The following BCL2 variants were observed in gnomAD, a reference collection of about 807,000 sequenced individuals.
BCL2 encodes the protein apoptosis regulator Bcl-2.
A neutral mutation model predicts 14.2 loss-of-function variants in BCL2; 1 was observed. The observed-to-expected ratio is 0.07, with a 90% CI of 0.02 to 0.33. The LOEUF (loss-of-function observed/expected upper bound fraction) is 0.33, where lower values mean the gene tolerates loss of function less well. Among genes scored for constraint, BCL2 ranks in the 10% least tolerant of loss-of-function variants. BCL2 has a pLI of 0.99. For synonymous variants in BCL2, 151 were observed against 137.2 expected, an observed-to-expected ratio of 1.10 and a Z score of -0.70; for missense variants, 247 against 305.9, an observed-to-expected ratio of 0.81 and a Z score of 1.44.
At chr18:63,226,835 C>T (rs1297778954) in intron 2 of BCL2, among the ~76,000 whole-genome samples, 1 of 151,862 alleles carries the variant, frequency 6.6e-6, no homozygotes, top group Non-Finnish European at 1.5e-5. Flanking sequence ...AAAAGAGAGA[C>T]ATGAGAAATC....
At chr18:63,202,325 T>A (rs1336545302) in intron 2 of BCL2, among the ~76,000 whole-genome samples, 1 of 152,030 alleles carries the variant, frequency 6.6e-6, no homozygotes, top group Non-Finnish European at 1.5e-5. Context: ...AATAAAATAT[T>A]CCTACATTCA....
At chr18:63,304,712 T>C (rs893698807) in intron 2 of BCL2, among the ~76,000 whole-genome samples, 2 of 152,228 alleles carry the variant, frequency 1.3e-5, no homozygotes, top group South Asian at 2.1e-4. Context: ...TAGTACCCAT[T>C]AGTTATTTTT....
intron 2 of BCL2, among the ~76,000 whole-genome samples, chr18:63,288,495 A>T (rs1376088717): frequency 1.3e-5 from 2 of 152,230 alleles, no homozygotes; most frequent in Non-Finnish European, 1.5e-5. Flanking sequence ...AATATTTAGC[A>T]AGCAACCAAG....
At chr18:63,150,782 G>C (rs552511255) in intron 2 of BCL2, among the ~76,000 whole-genome samples, 2 of 152,282 alleles carry the variant, frequency 1.3e-5, no homozygotes, top group African/African-American at 4.8e-5. Flanking sequence ...CCTTGTGGCA[G>C]AAAAATGTCC....
intron 2 of BCL2, among the ~76,000 whole-genome samples, chr18:63,305,947 C>G (rs758033202): frequency 6.6e-6 from 1 of 151,888 alleles, no homozygotes; most frequent in Non-Finnish European, 1.5e-5. Context: ...TGGTGGCATG[C>G]ACCTGTAGTC....
intron 2 of BCL2, among the ~76,000 whole-genome samples, chr18:63,250,483 C>G (rs1186369176): frequency 6.6e-6 from 1 of 152,196 alleles, no homozygotes; most frequent in African/African-American, 2.4e-5. Context: ...CTACAATGGG[C>G]ACAAGCCCAG....
intron 2 of BCL2, among the ~76,000 whole-genome samples, chr18:63,200,615 CA>C (rs910895019): frequency 6.6e-6 from 1 of 152,140 alleles, no homozygotes; most frequent in African/African-American, 2.4e-5. Flanking sequence ...GAAAACAAAT[CA>C]AGCTTTATTT....
At chr18:63,287,503 G>A (rs1912509583) in intron 2 of BCL2, among the ~76,000 whole-genome samples, 1 of 152,056 alleles carries the variant, frequency 6.6e-6, no homozygotes, top group African/African-American at 2.4e-5. Flanking sequence ...GGGGGTGGCG[G>A]GCAGTTTGAG....
chr18:63,224,230 C>T (rs1026138054), intron 2 of BCL2, among the ~76,000 whole-genome samples: 4 of 152,132 alleles, frequency 2.6e-5, no homozygotes, highest in African/African-American at 9.7e-5. Context: ...GGAAGTTCAA[C>T]TCCCAAATAA....
intron 2 of BCL2, among the ~76,000 whole-genome samples, chr18:63,310,729 C>T (rs1913289902): frequency 6.6e-6 from 1 of 152,194 alleles, no homozygotes; most frequent in African/African-American, 2.4e-5. Context: ...CTCTCCATGA[C>T]CATCACTACC....
intron 2 of BCL2, among the ~76,000 whole-genome samples, chr18:63,266,637 T>TCTCTCTCTCTCTCTCACA (rs1491465885): frequency 2.3e-5 from 2 of 86,012 alleles, no homozygotes; most frequent in South Asian, 8.2e-4. Flanking sequence ...TCTCTCTCTC[T>TCTCTCTCTCTCTCTCACA]CACACACACA....
intron 2 of BCL2, among the ~76,000 whole-genome samples, chr18:63,282,459 T>C (rs1912345646): frequency 6.6e-6 from 1 of 152,232 alleles, no homozygotes; most frequent in Non-Finnish European, 1.5e-5. Flanking sequence ...AAATACCCAG[T>C]TTAACCCATG....
At chr18:63,317,517 G>A in intron 2 of BCL2, 1 of 979,726 alleles carries the variant, frequency 1.0e-6, no homozygotes, top group Non-Finnish European at 1.2e-6. Flanking sequence ...GTTTTTCAGG[G>A]AAAAAGACTT....
At chr18:63,241,953 T>G (rs535728605) in intron 2 of BCL2, among the ~76,000 whole-genome samples, 1 of 152,326 alleles carries the variant, frequency 6.6e-6, no homozygotes, top group East Asian at 1.9e-4. Flanking sequence ...TGGAACAAAT[T>G]CAACTAGTCC....
chr18:63,179,859 G>A (rs901836307), intron 2 of BCL2, among the ~76,000 whole-genome samples: 9 of 152,196 alleles, frequency 5.9e-5, no homozygotes, highest in African/African-American at 1.7e-4. Context: ...ATGCAGCATA[G>A]CACACAGTAG....
rs372022076 is a variant in BCL2 at position 63,149,844 on chromosome 18, CATTTATTTATTTATTT to C, written c.586-21101_586-21086del. ...CAGAAAGGGTTCTCCTGACATGAGG[CATTTATTTATTTATTT>C]ATTTATTTATTTATTTATTTATTTA... On this transcript the variant is annotated intron_variant, in intron 2 of 2. Transcript: ENST00000333681. The surrounding 1 kb of genome is among the most constrained non-coding windows in gnomAD (Gnocchi z 4.2). Among the ~76,000 whole-genome samples, 1,692 of 147,346 alleles carry C rather than the reference CATTTATTTATTTATTT, an allele frequency of 0.011. 24 individuals carry two copies. The highest frequency in any genetic ancestry group is 0.037 in the Middle Eastern group (11 of 294).
chr18:63,214,335 G>A (rs1027898062), intron 2 of BCL2, among the ~76,000 whole-genome samples: 9 of 152,176 alleles, frequency 5.9e-5, no homozygotes, highest in East Asian at 5.8e-4. Flanking sequence ...ACAAACGTCC[G>A]GTGCAGCTCG....
At chr18:63,312,300 G>A (rs1214505084) in intron 2 of BCL2, among the ~76,000 whole-genome samples, 4 of 152,182 alleles carry the variant, frequency 2.6e-5, no homozygotes, top group Non-Finnish European at 5.9e-5. Flanking sequence ...AGGGGTGGTG[G>A]CACCTATGAG....
At chr18:63,161,350 C>T (rs73469314) in intron 2 of BCL2, among the ~76,000 whole-genome samples, 1,578 of 152,282 alleles carry the variant, frequency 0.01, 20 homozygotes, top group African/African-American at 0.036. Flanking sequence ...TAGACTCAGC[C>T]AGTGAAATGA....
Sources: gnomAD v4.1 joint callset for allele counts (sites outside exome capture counted in the v4.1 genomes callset) on GRCh38, gnomAD v4.1.1 for gene constraint, Gnocchi (gnomAD v3.1) non-coding constraint, MANE v1.5 for transcripts, NCBI Gene and HGNC (gene_info 2026-07-23, HGNC 2026-07-21) for gene names.